TRPA1: variants seen among roughly 807,000 people sequenced by gnomAD.
TRPA1 encodes the protein transient receptor potential cation channel subfamily A member 1, also known as ankyrin-like with transmembrane domains 1.
TRPA1 carries 129 observed loss-of-function variants against 131.3 expected under a neutral mutation model. The ratio of observed to expected loss-of-function variants is 0.98; its 90% CI spans 0.85 to 1.14. The LOEUF (loss-of-function observed/expected upper bound fraction) is 1.14, where lower values mean the gene tolerates loss of function less well. Among genes scored for constraint, TRPA1 ranks in the 50% most tolerant of loss-of-function variants. The pLI, the probability that TRPA1 is intolerant of heterozygous loss-of-function variation, is 0.00. For synonymous variants in TRPA1, 441 were observed against 451.7 expected (o/e 0.98, Z 0.30); for missense variants, 1,304 against 1,354.2 (o/e 0.96, Z 0.58).
chr8:72,073,267 C>T (rs961092606), intron 1 of TRPA1, among the ~76,000 whole-genome samples: 2 of 152,164 alleles, frequency 1.3e-5, no homozygotes, highest in Non-Finnish European at 2.9e-5. Context: ...AATAGAAAGT[C>T]AAATGCTAAA....
chr8:72,055,259 A>G (rs1805633383), intron 12 of TRPA1, 177 bp downstream of exon 12: 1 of 620,046 alleles, frequency 1.6e-6, no homozygotes, highest in African/African-American at 1.8e-5. Context: ...TGGAAATAAT[A>G]CTGACTTCCC....
Position 72,033,629 on chromosome 8 carries a change from G to A in TRPA1, c.2868+15C>T, listed in dbSNP as rs941936836. ...AATGATCAACAAACAGAAAATATAA[G>A]AAAAAACTACTTACAAGTAAATTCA... On this transcript the variant is annotated intron_variant, in intron 23 of 26. Transcript: ENST00000262209. 1 of 1,607,350 alleles carries A rather than the reference G, an allele frequency of 6.2e-7. No individual in the cohort carries two copies. The highest frequency in any genetic ancestry group is 1.7e-5 in the Admixed American group (1 of 59,866).
intron 17 of TRPA1, among the ~76,000 whole-genome samples, chr8:72,042,914 G>T (rs1272021546): frequency 6.6e-6 from 1 of 151,818 alleles, no homozygotes; most frequent in Admixed American, 6.6e-5. Flanking sequence ...GGGGAAAGAT[G>T]ATGGAAGTTA....
rs142468969 is a variant in TRPA1, at chr8:72,026,024, C to A, written c.2987G>T (p.Arg996Leu). Residue 996 changes from arginine (R) to leucine (L), a missense_variant, in exon 25 of 27, where the codon CGC becomes CTC. Arg to Leu is a moderately radical substitution (Grantham distance 102). Transcript: ENST00000262209. ...LEKKLPLWFLRKVDQKSTIVY... is the reference protein window; with the variant it reads ...LEKKLPLWFLLKVDQKSTIVY... The stretch of plus-strand genomic sequence containing the variant: ...GATGGTGGATTTCTGATCCACTTTG[C>A]GTAGAAACCAAAGTGGCAGCTTCTT... 2 of 1,613,824 alleles carry A rather than the reference C, an allele frequency of 1.2e-6. No homozygotes were observed. The highest frequency in any genetic ancestry group is 1.3e-5 in the African/African-American group (1 of 74,890).
chr8:72,030,443 T>C (rs1811773666), intron 23 of TRPA1, among the ~76,000 whole-genome samples: 1 of 152,168 alleles, frequency 6.6e-6, no homozygotes, highest in Non-Finnish European at 1.5e-5. Flanking sequence ...TATAATCTAC[T>C]AGTAGTAGCT....
upstream of TRPA1, among the ~76,000 whole-genome samples, chr8:72,080,092 T>C (rs1180050306): frequency 6.6e-6 from 1 of 151,896 alleles, no homozygotes; most frequent in East Asian, 1.9e-4. Flanking sequence ...ACAATGCTAA[T>C]AAAGACAGTT....
chr8:72,054,304 T>C (rs1805604632), intron 12 of TRPA1: 1 of 218,274 alleles, frequency 4.6e-6, no homozygotes, highest in South Asian at 6.9e-5. Context: ...TTGGTAATAC[T>C]ACTAGTAATA....
the TRPA1 span, among the ~76,000 whole-genome samples, chr8:72,085,251 A>C: frequency 6.6e-6 from 1 of 152,126 alleles, no homozygotes; most frequent in Non-Finnish European, 1.5e-5. Flanking sequence ...AGTATTTTTA[A>C]TATAGCATTT....
upstream of TRPA1, among the ~76,000 whole-genome samples, chr8:72,077,281 T>C (rs1381414526): frequency 1.9e-4 from 4 of 21,616 alleles, no homozygotes; most frequent in African/African-American, 8.1e-4. Context: ...AGACAGGGGG[T>C]GACAGGGGTG....
rs1438563283 is a variant in TRPA1, at chr8:72,057,821, A to G, written c.994-5T>C. On this transcript the variant is annotated splice_region_variant and splice_polypyrimidine_tract_variant and intron_variant, in intron 8 of 26. Coordinates refer to ENST00000262209, the MANE Select transcript of TRPA1 (RefSeq NM_007332.3). ...GATCTTATTAATATCTGCTCCCTAAAAATCAAACAAACCATTCAACAAAGA... is the reference window on the plus strand; with the variant it reads ...GATCTTATTAATATCTGCTCCCTAAGAATCAAACAAACCATTCAACAAAGA... 1.2e-6 allele frequency: 2 copies of G among 1,603,266 alleles called. No homozygotes were observed. The highest frequency in any genetic ancestry group is 2.2e-5 in the South Asian group (2 of 90,862).
At chr8:72,054,642 T>A (rs1805615002) in intron 12 of TRPA1, 2 of 152,382 alleles carry the variant, frequency 1.3e-5, no homozygotes, top group African/African-American at 4.8e-5. Flanking sequence ...CGGTCCCCTT[T>A]GCAGGTCAGT....
At chr8:72,066,082 C>T (rs1235942276) in intron 3 of TRPA1, among the ~76,000 whole-genome samples, 4 of 152,100 alleles carry the variant, frequency 2.6e-5, no homozygotes, top group Non-Finnish European at 5.9e-5. Context: ...TGTCAGTGGA[C>T]ACTCTATTCT....
At chr8:72,057,197 G>A (rs968570141) in intron 9 of TRPA1, among the ~76,000 whole-genome samples, 180 bp from the exon 10 acceptor site, 1 of 151,730 alleles carries the variant, frequency 6.6e-6, no homozygotes, top group Admixed American at 6.6e-5. Context: ...CTTACTCTCT[G>A]TGTGTGTGTG....
chr8:72,053,113 C>T (rs1228086461), intron 13 of TRPA1: 9 of 308,210 alleles, frequency 2.9e-5, no homozygotes, highest in South Asian at 1.9e-4. Flanking sequence ...AAAGGACAAG[C>T]TTTCAGGGTA....
At chr8:72,029,623 A>G in intron 24 of TRPA1, 1 of 539,488 alleles carries the variant, frequency 1.9e-6, no homozygotes, top group South Asian at 2.2e-5. Context: ...AGTGATGCAT[A>G]TTCAGTAGAA....
At position 72,075,357 on chromosome 8, in the gene TRPA1, TG is replaced by T; in HGVS notation, c.52del (p.Gln18ArgfsTer39). 1 of 1,612,546 alleles carries T rather than the reference TG, an allele frequency of 6.2e-7. No individual in the cohort carries two copies. ...MWRPGEKKEP[Q>X]GVVYEDVPDD... Reference sequence around the variant, plus strand: ...CGGCACATCCTCATAGACAACGCCCTGGGGCTCCTTCTTTTCTCCAGGGCGC... The same window carrying T: ...CGGCACATCCTCATAGACAACGCCCTGGGCTCCTTCTTTTCTCCAGGGCGC... On this transcript the variant is annotated frameshift_variant, in exon 1 of 27. Transcript: ENST00000262209. LOFTEE classifies it high-confidence loss of function.
chr8:72,063,742 A>G (rs1437750336), intron 4 of TRPA1, among the ~76,000 whole-genome samples, 171 bp from the exon 5 acceptor site: 1 of 152,192 alleles, frequency 6.6e-6, no homozygotes, highest in Non-Finnish European at 1.5e-5. Context: ...TTTGAAGTAG[A>G]CTAAGATTCT....
intron 22 of TRPA1, 148 bp downstream of exon 22, chr8:72,034,100 C>T (rs901445068): frequency 4.1e-6 from 4 of 978,982 alleles, no homozygotes; most frequent in Non-Finnish European, 6.0e-6. Context: ...CAATAAACGT[C>T]ATTTGAAAGA....
At position 72,033,971 on chromosome 8, in the gene TRPA1, T is replaced by C. The variant is rs377411878; in HGVS notation, c.2686-145A>G. The C allele has an allele frequency of 9.6e-6, 8 of 834,456 alleles. 1 individual carries two copies. The highest frequency in any genetic ancestry group is 3.4e-5 in the African/African-American group (2 of 59,028). The allele number at this position is 834,456 out of a possible 1,614,324, so 51.7% of individuals were successfully genotyped here. The stretch of plus-strand genomic sequence containing the variant: ...GCTGTTGAAATGCAGTGATAAAATA[T>C]AGTAAACATGGTAAAGTCATCAAAA... On this transcript the variant is annotated intron_variant, in intron 22 of 26. Transcript: ENST00000262209.
Sources: gnomAD v4.1 joint callset for allele counts (sites outside exome capture counted in the v4.1 genomes callset) on GRCh38, gnomAD v4.1.1 for gene constraint, MANE v1.5 for transcripts, NCBI Gene and HGNC (gene_info 2026-07-23, HGNC 2026-07-21) for gene names.